Variants in APBA1 observed in about 807,000 individuals in gnomAD.
APBA1 encodes the protein amyloid-beta A4 precursor protein-binding family A member 1.
In APBA1, 55 loss-of-function variants were observed where a neutral mutation model predicts 86.6. That is an observed-to-expected ratio of 0.64 (90% CI 0.51 to 0.80). The LOEUF is 0.80. APBA1 is among the 30% of genes least tolerant of loss of function. APBA1 has a pLI of 0.00. For missense variants in APBA1, 1,090 were observed against 1,183.0 expected (o/e 0.92, Z 1.15); for synonymous variants, 511 against 493.9 (o/e 1.03, Z -0.46).
chr9:69,635,670 G>C (rs768760153), intron 1 of APBA1, among the ~76,000 whole-genome samples: 2 of 151,714 alleles, frequency 1.3e-5, no homozygotes, highest in Non-Finnish European at 2.9e-5. Context: ...CATGTAAATG[G>C]AAACCAAAAA....
chr9:69,456,328 C>A lies in APBA1; in HGVS notation c.1707G>T (p.Gln569His). 1 of 1,614,200 alleles carries A rather than the reference C, an allele frequency of 6.2e-7. No homozygotes were observed. The highest frequency in any genetic ancestry group is 8.5e-7 in the Non-Finnish European group (1 of 1,180,036). The stretch of plus-strand genomic sequence containing the variant: ...ATGGGTGGGACGCTTCCACGTTCTC[C>A]TGGGAGTTGGAGCGAGGCATCCGCC... Reference protein sequence around the residue: ...ARRRMPRSNSQENVEASHPSQ... With the variant: ...ARRRMPRSNSHENVEASHPSQ... Residue 569 changes from glutamine (Q) to histidine (H), a missense_variant, in exon 8 of 13, where the codon CAG (glutamine) becomes CAT (histidine). Around this residue, in one of 6 missense-constraint regions of APBA1, gnomAD observed 103 missense variants for 91.9 expected, o/e 1.12. Coordinates refer to ENST00000265381, the MANE Select transcript of APBA1 (RefSeq NM_001163.4).
intron 1 of APBA1, among the ~76,000 whole-genome samples, chr9:69,656,844 T>C (rs1377355242): frequency 1.3e-5 from 2 of 150,924 alleles, no homozygotes; most frequent in South Asian, 2.1e-4. Flanking sequence ...GAGATCTTTT[T>C]TTTTTTTTTT....
intron 2 of APBA1, among the ~76,000 whole-genome samples, chr9:69,498,810 T>G (rs540725647): frequency 6.6e-6 from 1 of 152,198 alleles, no homozygotes; most frequent in Non-Finnish European, 1.5e-5. Flanking sequence ...TTTGAGGCCA[T>G]ATTTCTTATT....
chr9:69,433,027 G>A (rs116814101), intron 11 of APBA1, among the ~76,000 whole-genome samples: 2 of 152,178 alleles, frequency 1.3e-5, no homozygotes, highest in Non-Finnish European at 2.9e-5. Flanking sequence ...ACAGGTTAGT[G>A]TTAGTTCCCG....
chr9:69,500,561 T>C (rs1018845887), intron 2 of APBA1, among the ~76,000 whole-genome samples: 1 of 150,660 alleles, frequency 6.6e-6, no homozygotes, highest in Non-Finnish European at 1.5e-5. Context: ...CTGAGAGAGA[T>C]ACAGGAGAAC....
At chr9:69,579,339 A>G (rs1056406864) in intron 1 of APBA1, among the ~76,000 whole-genome samples, 1 of 152,156 alleles carries the variant, frequency 6.6e-6, no homozygotes, top group Non-Finnish European at 1.5e-5. Context: ...GTCATTGTCA[A>G]CAGAGGCTAC....
rs1837082714 is a variant in APBA1 at position 69,569,491 on chromosome 9, T to C, written c.-69-52212A>G. ...TGTGTGTGTGTGTGTGTGTGTGTGT[T>C]ACTGGCATCTAGTGAGTAGAAGCCA... On this transcript the variant is annotated intron_variant, in intron 1 of 12. Coordinates refer to ENST00000265381, the MANE Select transcript of APBA1 (RefSeq NM_001163.4). Among the ~76,000 whole-genome samples the C allele has an allele frequency of 2.1e-5, 3 of 141,112 alleles. No homozygotes were observed. The South Asian group carries it at 6.7e-4, about 32-fold the overall frequency. 92.6% of individuals were successfully genotyped at this position (141,112 alleles called of 152,430 possible). A position where few individuals can be genotyped will look rare whatever the true frequency, so the allele number is the denominator to read the frequency against.
chr9:69,456,190 G>A (rs1160914026), intron 8 of APBA1, 57 bp downstream of exon 8: 4 of 1,573,340 alleles, frequency 2.5e-6, no homozygotes, highest in Non-Finnish European at 3.5e-6. Context: ...ACTGAATCAG[G>A]TTCTGAGAAG....
chr9:69,482,714 G>T (rs1408962722), intron 2 of APBA1, among the ~76,000 whole-genome samples: 3 of 151,818 alleles, frequency 2.0e-5, no homozygotes, highest in Non-Finnish European at 4.4e-5. Context: ...CAAAGACTTG[G>T]AACCAACCCA....
At chr9:69,557,339 G>A (rs531254900) in intron 1 of APBA1, among the ~76,000 whole-genome samples, 1 of 152,216 alleles carries the variant, frequency 6.6e-6, no homozygotes, top group African/African-American at 2.4e-5. Flanking sequence ...CTTCATCCAG[G>A]AAGAAAATTA....
rs575083842 is a variant in APBA1 at position 69,431,302 on chromosome 9, T to C, written c.*25A>G. 164 of 1,575,482 alleles carry C rather than the reference T, an allele frequency of 1.0e-4. No homozygotes were observed. Among genetic ancestry groups the C allele is most frequent in the Non-Finnish European group, 1.3e-4 (154 of 1,161,112 alleles). ...CAACCACGAAGAGGAGAGTCCTCCA[T>C]GCATGCCACCGCGTGTGGCCGCGGT... is the stretch of plus-strand genomic sequence containing the variant. On this transcript the variant is annotated 3_prime_UTR_variant, in exon 13 of 13. Coordinates refer to ENST00000265381, the MANE Select transcript of APBA1 (RefSeq NM_001163.4).
At chr9:69,472,787 A>G (rs1261716266) in intron 3 of APBA1, among the ~76,000 whole-genome samples, 2 of 152,162 alleles carry the variant, frequency 1.3e-5, no homozygotes, top group African/African-American at 4.8e-5. Context: ...TTGGGATGTC[A>G]TGGGGAGCAA....
intron 10 of APBA1, among the ~76,000 whole-genome samples, chr9:69,441,566 C>T (rs1196768995): frequency 6.6e-6 from 1 of 152,208 alleles, no homozygotes; most frequent in Non-Finnish European, 1.5e-5. Context: ...TAACAAAGGA[C>T]ATCTAACTCA....
chr9:69,447,917 A>G (rs142802163), intron 10 of APBA1, among the ~76,000 whole-genome samples: 2,640 of 152,222 alleles, frequency 0.017, 33 homozygotes, highest in Non-Finnish European at 0.025. Flanking sequence ...CCTGGGTCCC[A>G]CAGCCCCTCA....
At chr9:69,574,940 G>T (rs1305778010) in intron 1 of APBA1, among the ~76,000 whole-genome samples, 1 of 152,000 alleles carries the variant, frequency 6.6e-6, no homozygotes, top group Admixed American at 6.5e-5. Flanking sequence ...ATTGTGACAG[G>T]GTTTCATTCT....
At chr9:69,577,903 G>A (rs939048550) in intron 1 of APBA1, among the ~76,000 whole-genome samples, 1 of 152,044 alleles carries the variant, frequency 6.6e-6, no homozygotes, top group Non-Finnish European at 1.5e-5. Context: ...CCACCACAAT[G>A]CTCCCAGTGT....
chr9:69,623,005 G>C (rs1822851043), intron 1 of APBA1, among the ~76,000 whole-genome samples: 1 of 152,168 alleles, frequency 6.6e-6, no homozygotes, highest in Admixed American at 6.5e-5. Flanking sequence ...CCACACTCTT[G>C]GCAGAGCTAG....
intron 1 of APBA1, among the ~76,000 whole-genome samples, chr9:69,605,020 T>C (rs1441734463): frequency 2.0e-5 from 3 of 152,210 alleles, no homozygotes; most frequent in Non-Finnish European, 4.4e-5. Context: ...TTCTTAAACA[T>C]GCCAATTCGG....
At chr9:69,663,610 TAGTC>T (rs1210253279) in intron 1 of APBA1, among the ~76,000 whole-genome samples, 1 of 152,240 alleles carries the variant, frequency 6.6e-6, no homozygotes, top group Non-Finnish European at 1.5e-5. Context: ...AATTTATCAA[TAGTC>T]AGAAACATAA....
Sources: gnomAD v4.1 joint callset for allele counts (sites outside exome capture counted in the v4.1 genomes callset) on GRCh38, gnomAD v4.1.1 for gene constraint, gnomAD v4.1.1 regional missense constraint, MANE v1.5 for transcripts, NCBI Gene and HGNC (gene_info 2026-07-23, HGNC 2026-07-21) for gene names.